Variants in NUMB observed in about 807,000 individuals in gnomAD.
NUMB encodes NUMB endocytic adaptor protein.
NUMB carries 29 observed loss-of-function variants against 59.7 expected under a neutral mutation model. The ratio of observed to expected loss-of-function variants is 0.49; its 90% confidence interval spans 0.36 to 0.66. The LOEUF (loss-of-function observed/expected upper bound fraction) is 0.66. Among genes scored for constraint, NUMB ranks in the 30% least tolerant of loss-of-function variants. The pLI is 0.00. For missense variants in NUMB, 723 were observed against 822.0 expected, an observed-to-expected ratio of 0.88 and a Z score of 1.47; for synonymous variants, 288 against 288.2, an observed-to-expected ratio of 1.00 and a Z score of 0.01.
intron 1 of NUMB, among the ~76,000 whole-genome samples, chr14:73,438,874 T>A (rs1471216425): frequency 6.6e-6 from 1 of 152,020 alleles, no homozygotes; most frequent in East Asian, 1.9e-4. Flanking sequence ...ACAAGTGATA[T>A]CCCTCACTAA....
chr14:73,373,077 T>C (rs879628770), intron 2 of NUMB, among the ~76,000 whole-genome samples: 2 of 152,196 alleles, frequency 1.3e-5, no homozygotes, highest in African/African-American at 4.8e-5. Context: ...CTCACTGACG[T>C]TGGAATAGAG....
At chr14:73,387,057 T>C (rs1307633196) in intron 2 of NUMB, among the ~76,000 whole-genome samples, 1 of 151,008 alleles carries the variant, frequency 6.6e-6, no homozygotes. Flanking sequence ...ATTTTTTTTG[T>C]ATTTTTAGTA....
intron 1 of NUMB, among the ~76,000 whole-genome samples, chr14:73,433,478 C>G (rs1472596729): frequency 6.6e-6 from 1 of 152,106 alleles, no homozygotes; most frequent in Non-Finnish European, 1.5e-5. Flanking sequence ...TTAGGTCCAA[C>G]AATTTTCATC....
At chr14:73,389,969 AC>A (rs1895761366) in intron 2 of NUMB, among the ~76,000 whole-genome samples, 1 of 152,220 alleles carries the variant, frequency 6.6e-6, no homozygotes, top group Admixed American at 6.5e-5. Context: ...ATACCAAAAA[AC>A]ATTATAACAT....
chr14:73,407,442 AAC>A (rs1896722039), intron 2 of NUMB, among the ~76,000 whole-genome samples: 1 of 152,180 alleles, frequency 6.6e-6, no homozygotes, highest in Non-Finnish European at 1.5e-5. Context: ...CCTGTCTCAA[AAC>A]AAAACAAAAA....
chr14:73,313,948 T>C (rs554409485), intron 6 of NUMB, among the ~76,000 whole-genome samples: 2 of 152,086 alleles, frequency 1.3e-5, no homozygotes, highest in South Asian at 4.2e-4. Flanking sequence ...GTAGCTGGGA[T>C]TACAGGCACA....
chr14:73,388,536 G>GTTTC (rs1895671117), intron 2 of NUMB, among the ~76,000 whole-genome samples: 1 of 152,012 alleles, frequency 6.6e-6, no homozygotes, highest in East Asian at 1.9e-4. Flanking sequence ...GCTTATGGCT[G>GTTTC]ATCTAATTTA....
intron 8 of NUMB, among the ~76,000 whole-genome samples, chr14:73,289,095 C>T (rs890627638): frequency 6.6e-6 from 1 of 152,074 alleles, no homozygotes; most frequent in Non-Finnish European, 1.5e-5. Context: ...CTGAATCCCC[C>T]CTCTAAGCAA....
At chr14:73,343,221 C>A (rs898615299) in intron 4 of NUMB, among the ~76,000 whole-genome samples, 1 of 151,976 alleles carries the variant, frequency 6.6e-6, no homozygotes, top group Non-Finnish European at 1.5e-5. Context: ...GTGACAAGAC[C>A]ATATCTGCAA....
chr14:73,416,510 C>A (rs997299567), intron 1 of NUMB, among the ~76,000 whole-genome samples: 1 of 152,078 alleles, frequency 6.6e-6, no homozygotes, highest in Non-Finnish European at 1.5e-5. Context: ...AATAGTTACA[C>A]TTCTAGAAAA....
chr14:73,337,358 G>A (rs1401510386), intron 4 of NUMB, among the ~76,000 whole-genome samples: 1 of 152,044 alleles, frequency 6.6e-6, no homozygotes, highest in Non-Finnish European at 1.5e-5. Flanking sequence ...AAAATTAGCT[G>A]GGAGTGGTGG....
chr14:73,452,530 G>A (rs575605192), intron 1 of NUMB, among the ~76,000 whole-genome samples: 1 of 152,210 alleles, frequency 6.6e-6, no homozygotes, highest in Admixed American at 6.5e-5. Context: ...TCAAAAAAAA[G>A]GAACGTAACT....
At chr14:73,353,694 G>A (rs562000011) in intron 4 of NUMB, among the ~76,000 whole-genome samples, 10 of 151,312 alleles carry the variant, frequency 6.6e-5, no homozygotes, top group Admixed American at 2.0e-4. Context: ...GCAACAGAGC[G>A]AGACTCCATC....
chr14:73,289,641 T>C (rs1889256413), intron 8 of NUMB, among the ~76,000 whole-genome samples: 1 of 152,260 alleles, frequency 6.6e-6, no homozygotes, highest in Non-Finnish European at 1.5e-5. Flanking sequence ...AAGATTTTAC[T>C]ACCTTTGACT....
chr14:73,326,529 A>G (rs1242975090), intron 4 of NUMB, among the ~76,000 whole-genome samples: 2 of 152,104 alleles, frequency 1.3e-5, no homozygotes, highest in Non-Finnish European at 2.9e-5. Flanking sequence ...CGGGAGGCTG[A>G]GGCAGGAGAA....
intron 3 of NUMB, among the ~76,000 whole-genome samples, chr14:73,356,341 T>A (rs1291046479): frequency 6.6e-6 from 1 of 152,146 alleles, no homozygotes; most frequent in Non-Finnish European, 1.5e-5. Context: ...TAAAATAAAG[T>A]TTTCTTTAAA....
At chr14:73,335,302 CAAAAAA>C (rs10556271) in intron 4 of NUMB, among the ~76,000 whole-genome samples, 9 of 100,224 alleles carry the variant, frequency 9.0e-5, no homozygotes, top group African/African-American at 3.4e-4. Flanking sequence ...GCCAAAAAGA[CAAAAAA>C]AAAAAAAAAA....
intron 1 of NUMB, among the ~76,000 whole-genome samples, chr14:73,438,114 T>C (rs1898133410): frequency 6.6e-6 from 1 of 152,198 alleles, no homozygotes; most frequent in Non-Finnish European, 1.5e-5. Flanking sequence ...AACTGTGCAA[T>C]GTTTTGCTCT....
At chr14:73,381,225 T>C (rs1566770914) in intron 2 of NUMB, among the ~76,000 whole-genome samples, 1 of 152,148 alleles carries the variant, frequency 6.6e-6, no homozygotes, top group East Asian at 1.9e-4. Flanking sequence ...ATTTAGAACC[T>C]TGTCTATGAA....
Sources: gnomAD v4.1 joint callset for allele counts (sites outside exome capture counted in the v4.1 genomes callset) on GRCh38, gnomAD v4.1.1 for gene constraint, MANE v1.5 for transcripts, NCBI Gene and HGNC (gene_info 2026-07-23, HGNC 2026-07-21) for gene names.